Variants in IKBKB observed in about 807,000 individuals in gnomAD.
The protein encoded by IKBKB is inhibitor of nuclear factor kappa-B kinase subunit beta.
Under a neutral mutation model 113.6 loss-of-function variants are expected in IKBKB, and 42 were observed. The ratio of observed to expected loss-of-function variants is 0.37; its 90% CI spans 0.29 to 0.48. IKBKB has a LOEUF of 0.48. Among genes scored for constraint, IKBKB ranks in the 20% least tolerant of loss-of-function variants. IKBKB has a pLI of 0.99. For synonymous variants in IKBKB, 296 were observed against 361.3 expected (o/e 0.82, Z 2.05); for missense variants, 673 against 939.7 (o/e 0.72, Z 3.71).
intron 2 of IKBKB, among the ~76,000 whole-genome samples, chr8:42,279,308 A>C (rs1227658162): frequency 6.6e-6 from 1 of 152,214 alleles, no homozygotes; most frequent in African/African-American, 2.4e-5. Flanking sequence ...CAGCTGGGCT[A>C]TGGTGGTGTT....
intron 9 of IKBKB, among the ~76,000 whole-genome samples, chr8:42,315,703 C>G (rs545008644): frequency 1.3e-5 from 2 of 152,184 alleles, no homozygotes; most frequent in Admixed American, 1.3e-4. Context: ...TCTTGTCACC[C>G]AGGCTAGAGT....
chr8:42,277,816 G>T (rs1199583751), intron 2 of IKBKB, among the ~76,000 whole-genome samples: 2 of 152,198 alleles, frequency 1.3e-5, no homozygotes, highest in African/African-American at 4.8e-5. Context: ...GTCAGCCAGG[G>T]CTGGGTCTGG....
chr8:42,295,195 T>C (rs1813501025), intron 5 of IKBKB, among the ~76,000 whole-genome samples: 1 of 144,602 alleles, frequency 6.9e-6, no homozygotes, highest in Non-Finnish European at 1.5e-5. Flanking sequence ...CTCAGCTCAC[T>C]GCAACCTCTG....
chr8:42,302,777 A>G (rs1815522329), intron 5 of IKBKB, among the ~76,000 whole-genome samples: 1 of 152,078 alleles, frequency 6.6e-6, no homozygotes, highest in African/African-American at 2.4e-5. Flanking sequence ...AAAAAAAAAA[A>G]ACTGATCCCA....
intron 13 of IKBKB, among the ~76,000 whole-genome samples, 181 bp from the exon 14 acceptor site, chr8:42,319,089 C>G (rs1326052261): frequency 6.6e-6 from 1 of 152,180 alleles, no homozygotes; most frequent in Non-Finnish European, 1.5e-5. Context: ...TGCAGAACCT[C>G]AGGCATTGCT....
At chr8:42,298,203 G>T in intron 5 of IKBKB, 1 of 985,448 alleles carries the variant, frequency 1.0e-6, no homozygotes, top group South Asian at 4.7e-5. Flanking sequence ...GCAGGCTGTG[G>T]TGCTCTCTCC....
intron 5 of IKBKB, among the ~76,000 whole-genome samples, chr8:42,296,831 C>T (rs991498162): frequency 2.6e-5 from 4 of 152,074 alleles, no homozygotes; most frequent in South Asian, 2.1e-4. Context: ...CTTTTATTAG[C>T]GGTAAAATGG....
chr8:42,308,064 T>G (rs1221167595), intron 7 of IKBKB, among the ~76,000 whole-genome samples: 1 of 152,248 alleles, frequency 6.6e-6, no homozygotes, highest in African/African-American at 2.4e-5. Flanking sequence ...TTTCCCTGCC[T>G]GTTTCTAAAT....
chr8:42,311,324 AGGC>A (rs1407823137), intron 8 of IKBKB, among the ~76,000 whole-genome samples: 2 of 152,214 alleles, frequency 1.3e-5, no homozygotes, highest in Admixed American at 6.5e-5. Context: ...GCAGTTTGGG[AGGC>A]CAAGATGGGC....
chr8:42,285,116 A>G (rs1182759605), intron 2 of IKBKB, among the ~76,000 whole-genome samples: 1 of 152,028 alleles, frequency 6.6e-6, no homozygotes, highest in Admixed American at 6.5e-5. Flanking sequence ...TGGGCCTCCC[A>G]AAGTGCTGGG....
chr8:42,316,529 C>CA lies in IKBKB; in HGVS notation c.931-180dup, dbSNP rs1057360468. On this transcript the variant is annotated intron_variant, in intron 10 of 21. Transcript: ENST00000520810. The surrounding 1 kb of genome is among the most constrained non-coding windows in gnomAD (Gnocchi z 4.5). ...GACATTGGCTATGAGGTCATAGCCA[C>CA]AGACAGGATTATGAAAGATGCAAAT... Among the ~76,000 whole-genome samples the CA allele has an allele frequency of 2.0e-5, 3 of 152,204 alleles. No individual in the cohort carries two copies. In the East Asian group the frequency reaches 5.8e-4, roughly 29 times the overall value.
chr8:42,322,014 T>C (rs1819872972), intron 17 of IKBKB, 40 bp from the exon 18 acceptor site: 1 of 1,607,954 alleles, frequency 6.2e-7, no homozygotes, highest in South Asian at 1.1e-5. Context: ...TACTCTCTGC[T>C]GGCTTCCTTG....
chr8:42,310,243 AT>A (rs1344880298), intron 8 of IKBKB, among the ~76,000 whole-genome samples: 4 of 152,006 alleles, frequency 2.6e-5, no homozygotes, highest in African/African-American at 7.3e-5. Context: ...TTCAAGTTTT[AT>A]TTTTTTTGGA....
In IKBKB at chr8:42,320,732, T is replaced by C. The variant is rs746122126; in HGVS notation, c.1579-3T>C. Reference sequence around the variant, plus strand: ...GTTGACATTAGCACAGCTTTTCCATTAGGAGAACGAAGTGAAACTCCTGGT... The same window carrying C: ...GTTGACATTAGCACAGCTTTTCCATCAGGAGAACGAAGTGAAACTCCTGGT... On this transcript the variant is annotated splice_polypyrimidine_tract_variant and splice_region_variant and intron_variant, in intron 15 of 21. Coordinates refer to ENST00000520810, the MANE Select transcript of IKBKB (RefSeq NM_001556.3). 4 of 1,611,448 alleles carry C rather than the reference T, an allele frequency of 2.5e-6. No individual in the cohort carries two copies. The highest frequency in any genetic ancestry group is 1.1e-5 in the South Asian group (1 of 91,024).
chr8:42,297,995 G>C, intron 5 of IKBKB: 1 of 653,316 alleles, frequency 1.5e-6, no homozygotes, highest in Non-Finnish European at 1.9e-6. Context: ...ACTCCATGCT[G>C]ATAGGAGACC....
intron 2 of IKBKB, among the ~76,000 whole-genome samples, chr8:42,286,931 C>T (rs1027031727): frequency 2.6e-5 from 4 of 152,164 alleles, no homozygotes; most frequent in South Asian, 2.1e-4. Flanking sequence ...TAGGGAGTTT[C>T]GTGCTGTAGG....
chr8:42,322,569 A>G (rs1819972113), intron 19 of IKBKB, 75 bp downstream of exon 19: 8 of 1,499,690 alleles, frequency 5.3e-6, no homozygotes, highest in Admixed American at 5.2e-5. Context: ...CACTGCCGCC[A>G]TCCCACACGG....
chr8:42,273,419 A>AATAT (rs140887603), intron 2 of IKBKB, among the ~76,000 whole-genome samples: 2 of 101,060 alleles, frequency 2.0e-5, no homozygotes, highest in African/African-American at 7.5e-5. Flanking sequence ...TGTCTCAAAA[A>AATAT]ATATATATAT....
intron 11 of IKBKB, chr8:42,317,202 AGTGT>A: frequency 2.7e-6 from 1 of 376,440 alleles, no homozygotes; most frequent in Non-Finnish European, 4.6e-6. Flanking sequence ...CCCTCTTCCA[AGTGT>A]ACTAAAAAAA....
Sources: allele counts gnomAD v4.1 joint callset (sites outside exome capture counted in the v4.1 genomes callset), GRCh38; gene constraint gnomAD v4.1.1; non-coding constraint Gnocchi (gnomAD v3.1); transcripts MANE v1.5; gene names NCBI Gene and HGNC (gene_info 2026-07-23, HGNC 2026-07-21).